NFIB: variants seen among roughly 807,000 people sequenced by gnomAD.
The protein encoded by NFIB is nuclear factor I B.
Under a neutral mutation model 61.5 loss-of-function variants are expected in NFIB, and 11 were observed. The observed-to-expected ratio is 0.18, with a 90% confidence interval of 0.11 to 0.30. The LOEUF is 0.30. Among genes scored for constraint, NFIB ranks in the 10% least tolerant of loss-of-function variants. The pLI is 1.00. For synonymous variants in NFIB, 260 were observed against 216.5 expected (o/e 1.20, Z -1.76); for missense variants, 471 against 608.9 (o/e 0.77, Z 2.38).
chr9:14,226,102 T>C (rs904511133), intron 2 of NFIB, among the ~76,000 whole-genome samples: 1 of 151,758 alleles, frequency 6.6e-6, no homozygotes, highest in Non-Finnish European at 1.5e-5. Context: ...TTTTTTTTTT[T>C]CTAAAATCTA....
At chr9:14,183,047 A>C (rs1343646704) in intron 2 of NFIB, among the ~76,000 whole-genome samples, 1 of 152,180 alleles carries the variant, frequency 6.6e-6, no homozygotes, top group Non-Finnish European at 1.5e-5. Flanking sequence ...AAAATTAATC[A>C]TTTTTAATGT....
chr9:14,338,349 G>A (rs1338338826), intron 1 of NFIB, among the ~76,000 whole-genome samples: 1 of 151,920 alleles, frequency 6.6e-6, no homozygotes, highest in African/African-American at 2.4e-5. Flanking sequence ...AGCAGAGATC[G>A]CGCCACTGCA....
At chr9:14,460,694 G>T in the NFIB span, among the ~76,000 whole-genome samples, 2 of 152,094 alleles carry the variant, frequency 1.3e-5, no homozygotes, top group Admixed American at 1.3e-4. Flanking sequence ...TTAGTATGCA[G>T]ATAATCCATT....
the NFIB span, among the ~76,000 whole-genome samples, chr9:14,477,957 A>G: frequency 1.2e-4 from 18 of 152,070 alleles, no homozygotes; most frequent in African/African-American, 4.3e-4. Flanking sequence ...AGCTTGAACC[A>G]CCCCACCCCC....
At chr9:14,318,618 A>G (rs1285345044), upstream of NFIB, among the ~76,000 whole-genome samples, 5 of 151,368 alleles carry the variant, frequency 3.3e-5, no homozygotes, top group Non-Finnish European at 7.4e-5. Context: ...ACTAAATGCA[A>G]AAGAGACAGA....
rs1447375727 is a variant in NFIB at position 14,085,755 on chromosome 9, T to C, written c.*2554A>G. Reference sequence around the variant, plus strand: ...GAAGTAGTAAGTCACAGGTAAATCATATCCTATCATTAATGAAATGAAATG... The same window carrying C: ...GAAGTAGTAAGTCACAGGTAAATCACATCCTATCATTAATGAAATGAAATG... On this transcript the variant is annotated 3_prime_UTR_variant, in exon 11 of 11. Coordinates refer to ENST00000380953, the MANE Select transcript of NFIB (RefSeq NM_001190737.2). 1 of 219,080 alleles carries C rather than the reference T, an allele frequency of 4.6e-6. No homozygotes were observed. Among genetic ancestry groups the C allele is most frequent in the Non-Finnish European group, 9.1e-6 (1 of 109,336 alleles). The allele number at this position is 219,080 out of a possible 1,614,324, so 13.6% of individuals were successfully genotyped here.
At chr9:14,160,537 A>G (rs537595865) in intron 3 of NFIB, among the ~76,000 whole-genome samples, 4 of 152,140 alleles carry the variant, frequency 2.6e-5, no homozygotes, top group Non-Finnish European at 4.4e-5. Context: ...CTTATTCTGC[A>G]TAGTTCCAGG....
chr9:14,291,567 A>C (rs1438914079), intron 2 of NFIB, among the ~76,000 whole-genome samples: 1 of 152,214 alleles, frequency 6.6e-6, no homozygotes, highest in Non-Finnish European at 1.5e-5. Context: ...TTTATTTACT[A>C]AATATTAAAC....
intron 8 of NFIB, among the ~76,000 whole-genome samples, chr9:14,119,475 T>C (rs2038631575): frequency 6.6e-6 from 1 of 150,816 alleles, no homozygotes; most frequent in Non-Finnish European, 1.5e-5. Context: ...TGTTTCATTT[T>C]AACAAATTAA....
At chr9:14,434,234 G>C in the NFIB span, among the ~76,000 whole-genome samples, 2 of 152,172 alleles carry the variant, frequency 1.3e-5, no homozygotes, top group African/African-American at 4.8e-5. Context: ...TGTGATAGGA[G>C]AGGATTCACT....
chr9:14,099,488 A>G (rs2035391310), intron 10 of NFIB, among the ~76,000 whole-genome samples: 1 of 152,214 alleles, frequency 6.6e-6, no homozygotes, highest in Non-Finnish European at 1.5e-5. Context: ...TAAACTAAAA[A>G]AGATGGATAA....
chr9:14,103,348 G>T (rs868199064), intron 10 of NFIB, among the ~76,000 whole-genome samples: 18 of 148,890 alleles, frequency 1.2e-4, no homozygotes, highest in African/African-American at 4.4e-4. Flanking sequence ...GGGTTGGGGG[G>T]GGGGAAACAC....
At chr9:14,462,475 G>A in the NFIB span, among the ~76,000 whole-genome samples, 1 of 151,848 alleles carries the variant, frequency 6.6e-6, no homozygotes, top group East Asian at 1.9e-4. Flanking sequence ...GTGGAGACGG[G>A]GTTTCACTGT....
At chr9:14,290,750 AAGG>A (rs1398331633) in intron 2 of NFIB, among the ~76,000 whole-genome samples, 12 of 152,128 alleles carry the variant, frequency 7.9e-5, no homozygotes, top group Non-Finnish European at 2.9e-5. Context: ...CCTCAGTAAA[AAGG>A]AGATTTTCCT....
chr9:14,154,827 T>C (rs973578048), intron 4 of NFIB, among the ~76,000 whole-genome samples: 4 of 152,232 alleles, frequency 2.6e-5, no homozygotes, highest in Admixed American at 1.3e-4. Context: ...AGACAGTCAG[T>C]GATAGCGTGA....
intron 1 of NFIB, among the ~76,000 whole-genome samples, chr9:14,341,178 T>C (rs951832431): frequency 3.3e-5 from 5 of 152,150 alleles, no homozygotes; most frequent in African/African-American, 1.2e-4. Flanking sequence ...TTGTGGTCTT[T>C]TCCATTTGAG....
exon 1 of NFIB, chr9:14,398,553 T>C (rs1204713658): frequency 6.5e-7 from 1 of 1,535,384 alleles, no homozygotes. Flanking sequence ...GTTGACATTC[T>C]TTTAGGAATC....
chr9:14,209,225 A>G (rs557655663), intron 2 of NFIB, among the ~76,000 whole-genome samples: 1 of 152,320 alleles, frequency 6.6e-6, no homozygotes, highest in East Asian at 1.9e-4. Flanking sequence ...TCATCACTGA[A>G]TAATTGCTCG....
chr9:14,167,956 T>C lies in NFIB; in HGVS notation c.616+11771A>G, dbSNP rs79344010. On this transcript the variant is annotated intron_variant, in intron 3 of 10. Coordinates refer to ENST00000380953, the MANE Select transcript of NFIB (RefSeq NM_001190737.2). ...GAGATTAGTATTCTGAATCAGCAAT[T>C]ATATTGGAGTGCTACAATTCTCAGT... Among the ~76,000 whole-genome samples, 447 of 152,286 alleles carry C rather than the reference T, an allele frequency of 2.9e-3. 4 individuals are homozygous for C. The highest frequency in any genetic ancestry group is 0.01 in the African/African-American group (424 of 41,552).
Sources: allele counts gnomAD v4.1 joint callset (sites outside exome capture counted in the v4.1 genomes callset), GRCh38; gene constraint gnomAD v4.1.1; transcripts MANE v1.5; gene names NCBI Gene and HGNC (gene_info 2026-07-23, HGNC 2026-07-21).